CST8: variants seen among roughly 807,000 people sequenced by gnomAD.
CST8 encodes the protein cystatin-8.
In CST8, 20 loss-of-function variants were observed where a neutral mutation model predicts 11.8. That is an observed-to-expected ratio of 1.70 (90% CI 1.20 to 2.47). The LOEUF is 2.47. CST8 is among the 30% of genes most tolerant of loss of function. The pLI, the probability that CST8 is intolerant of heterozygous loss-of-function variation, is 0.00. For synonymous variants in CST8, 77 were observed against 63.1 expected, an observed-to-expected ratio of 1.22 and a Z score of -1.05; for missense variants, 196 against 167.2, an observed-to-expected ratio of 1.17 and a Z score of -0.95.
chr20:23,496,862 G>A (rs2122206791), downstream of CST8, among the ~76,000 whole-genome samples: 1 of 152,324 alleles, frequency 6.6e-6, no homozygotes, highest in South Asian at 2.1e-4. Flanking sequence ...AGAGAAATAT[G>A]TCTCTGTTCT....
chr20:23,495,740 C>A, intron 3 of CST8, 91 bp from the exon 4 acceptor site: 2 of 986,380 alleles, frequency 2.0e-6, no homozygotes, highest in Non-Finnish European at 3.1e-6. Flanking sequence ...CACACCTAAA[C>A]TGACACCTAG....
At position 23,491,243 on chromosome 20, in the gene CST8, C is replaced by T. The variant is rs541555679; in HGVS notation, c.-243C>T. On this transcript the variant is annotated 5_prime_UTR_variant, in exon 1 of 4. Coordinates refer to ENST00000246012, the MANE Select transcript of CST8 (RefSeq NM_005492.4). ...CTGCAGGCACAGCAGGCTGAAAGTC[C>T]ACCAAGGGCTGAGGCCACAAGGCCT... The T allele has an allele frequency of 1.1e-5, 2 of 175,572 alleles. No individual in the cohort carries two copies. The highest frequency in any genetic ancestry group is 1.6e-4 in the East Asian group (1 of 6,420). The allele number at this position is 175,572 out of a possible 1,614,324, so 10.9% of individuals were successfully genotyped here. A position where few individuals can be genotyped will look rare whatever the true frequency, so the allele number is the denominator to read the frequency against.
At chr20:23,500,763 G>T (rs1344257641), downstream of CST8, among the ~76,000 whole-genome samples, 3 of 150,886 alleles carry the variant, frequency 2.0e-5, no homozygotes, top group East Asian at 2.0e-4. Context: ...GTGGCTGGGT[G>T]GGGGGGTGCA....
At chr20:23,505,623 A>G in the CST8 span, among the ~76,000 whole-genome samples, 8 of 152,164 alleles carry the variant, frequency 5.3e-5, no homozygotes, top group Admixed American at 5.2e-4. Context: ...GGGGCCACAC[A>G]TGGTCTGATT....
chr20:23,496,772 G>T (rs1173812303), downstream of CST8, among the ~76,000 whole-genome samples: 1 of 152,176 alleles, frequency 6.6e-6, no homozygotes, highest in East Asian at 1.9e-4. Flanking sequence ...CCTACCCTCA[G>T]GGATGCATTC....
downstream of CST8, among the ~76,000 whole-genome samples, chr20:23,500,715 G>A (rs1314199741): frequency 1.4e-5 from 2 of 142,922 alleles, no homozygotes; most frequent in Non-Finnish European, 3.0e-5. Flanking sequence ...GCCAATCAGT[G>A]CCCTCCGCTG....
At chr20:23,492,840 G>C in intron 2 of CST8, 118 bp from the exon 3 acceptor site, 1 of 721,208 alleles carries the variant, frequency 1.4e-6, no homozygotes, top group East Asian at 2.5e-5. Flanking sequence ...AGCTCTGTCT[G>C]GGGGTGAGGG....
At chr20:23,500,292 A>G (rs754895208), downstream of CST8, among the ~76,000 whole-genome samples, 2 of 152,160 alleles carry the variant, frequency 1.3e-5, no homozygotes, top group Non-Finnish European at 2.9e-5. Flanking sequence ...TGCTGGGACC[A>G]GGGGTGGGCT....
the CST8 span, among the ~76,000 whole-genome samples, chr20:23,502,569 T>C: frequency 6.6e-6 from 1 of 152,208 alleles, no homozygotes; most frequent in African/African-American, 2.4e-5. Flanking sequence ...CATAAGATGA[T>C]GCCTGCTGGG....
the CST8 span, among the ~76,000 whole-genome samples, chr20:23,502,758 T>G: frequency 9.4e-4 from 143 of 152,352 alleles, 1 homozygote; most frequent in African/African-American, 3.2e-3. Context: ...CTGATGGAAC[T>G]TCTCTAGGGG....
the CST8 span, among the ~76,000 whole-genome samples, chr20:23,503,137 G>C: frequency 6.6e-6 from 1 of 152,164 alleles, no homozygotes; most frequent in South Asian, 2.1e-4. Flanking sequence ...TTAGCAGTAA[G>C]TGATAGTAGA....
the CST8 span, among the ~76,000 whole-genome samples, chr20:23,504,063 A>C: frequency 6.6e-6 from 1 of 152,256 alleles, no homozygotes; most frequent in Non-Finnish European, 1.5e-5. Context: ...GTGAGGAAAA[A>C]AAGAAACTTT....
chr20:23,502,790 TC>T, the CST8 span, among the ~76,000 whole-genome samples: 1 of 152,228 alleles, frequency 6.6e-6, no homozygotes, highest in Non-Finnish European at 1.5e-5. Context: ...GCTGTAGACC[TC>T]CATTTACGGT....
chr20:23,499,799 GA>G (rs1187435300), downstream of CST8, among the ~76,000 whole-genome samples: 1 of 152,228 alleles, frequency 6.6e-6, no homozygotes, highest in Non-Finnish European at 1.5e-5. Context: ...GGGCAGTGGG[GA>G]CCTTGCTGGT....
At chr20:23,503,893 G>A in the CST8 span, among the ~76,000 whole-genome samples, 5 of 152,168 alleles carry the variant, frequency 3.3e-5, no homozygotes, top group Non-Finnish European at 5.9e-5. Context: ...GGGTCAAGGA[G>A]GATGCACGCT....
the CST8 span, among the ~76,000 whole-genome samples, chr20:23,502,002 A>C: frequency 1.3e-5 from 2 of 152,314 alleles, no homozygotes; most frequent in East Asian, 3.9e-4. Context: ...TAGCTTGACC[A>C]CCCAGGTGAA....
chr20:23,505,560 A>G, the CST8 span, among the ~76,000 whole-genome samples: 1 of 152,142 alleles, frequency 6.6e-6, no homozygotes, highest in Non-Finnish European at 1.5e-5. Context: ...GGCTGCTTTT[A>G]TCTTGCAAAC....
chr20:23,503,657 A>G, the CST8 span, among the ~76,000 whole-genome samples: 2,877 of 152,360 alleles, frequency 0.019, 52 homozygotes, highest in South Asian at 0.054. Context: ...TGAGTTGGAT[A>G]AAGTAATGAA....
At chr20:23,502,995 C>G in the CST8 span, among the ~76,000 whole-genome samples, 1 of 151,660 alleles carries the variant, frequency 6.6e-6, no homozygotes, top group African/African-American at 2.4e-5. Context: ...GATTAATTAC[C>G]TTTTTTTTAA....
Sources: allele counts gnomAD v4.1 joint callset (sites outside exome capture counted in the v4.1 genomes callset), GRCh38; gene constraint gnomAD v4.1.1; transcripts MANE v1.5; gene names NCBI Gene and HGNC (gene_info 2026-07-23, HGNC 2026-07-21).